The following RNF217 variants were observed in gnomAD, a reference collection of about 807,000 sequenced individuals.
RNF217 encodes the protein E3 ubiquitin-protein ligase RNF217.
Under a neutral mutation model 57.8 loss-of-function variants are expected in RNF217, and 31 were observed. The observed-to-expected ratio is 0.54, with a 90% CI of 0.40 to 0.72. The LOEUF (loss-of-function observed/expected upper bound fraction) is 0.72, where lower values mean the gene tolerates loss of function less well. RNF217 is among the 30% of genes least tolerant of loss of function. The pLI is 0.00. For synonymous variants in RNF217, 313 were observed against 294.0 expected (o/e 1.06, Z -0.66); for missense variants, 696 against 708.3 (o/e 0.98, Z 0.20).
intron 1 of RNF217, among the ~76,000 whole-genome samples, chr6:124,973,018 G>C (rs1370256591): frequency 6.6e-6 from 1 of 152,162 alleles, no homozygotes; most frequent in Non-Finnish European, 1.5e-5. Context: ...TATAAGTAGA[G>C]TGGATGTTTA....
At chr6:125,032,481 T>G (rs957057617) in intron 1 of RNF217, among the ~76,000 whole-genome samples, 6 of 151,774 alleles carry the variant, frequency 4.0e-5, no homozygotes, top group Admixed American at 6.6e-5. Context: ...ATATATATAT[T>G]TCTTATCTCC....
chr6:125,038,858 C>T (rs1024355664), intron 1 of RNF217, among the ~76,000 whole-genome samples: 3 of 152,030 alleles, frequency 2.0e-5, no homozygotes, highest in African/African-American at 7.2e-5. Context: ...TTCTGTGATA[C>T]ATATGCAGGA....
rs1041025759 is a variant in RNF217, at chr6:124,963,194, C to T, written c.650C>T (p.Ser217Phe). Residue 217 changes from serine (S) to phenylalanine (F), a missense_variant, in exon 1 of 6, where the codon TCC (serine) becomes TTC (phenylalanine). Coordinates refer to ENST00000521654, the MANE Select transcript of RNF217 (RefSeq NM_001286398.3). Reference sequence around the variant, plus strand: ...CTGTCCCTCCCAACGGATTCCCTCTCCCCCGACGGCGGCAGCATCGAGCTG... The same window carrying T: ...CTGTCCCTCCCAACGGATTCCCTCTTCCCCGACGGCGGCAGCATCGAGCTG... ...PRLSLPTDSLSPDGGSIELEF... is the reference protein window; with the variant it reads ...PRLSLPTDSLFPDGGSIELEF... The T allele has an allele frequency of 2.6e-6, 4 of 1,535,960 alleles. No homozygotes were observed. Among genetic ancestry groups the T allele is most frequent in the Non-Finnish European group, 3.5e-6 (4 of 1,146,904 alleles).
intron 3 of RNF217, among the ~76,000 whole-genome samples, chr6:125,067,977 G>A (rs1787998283): frequency 6.6e-6 from 1 of 152,130 alleles, no homozygotes; most frequent in Non-Finnish European, 1.5e-5. Flanking sequence ...GGTACTGAGC[G>A]ACTGATTAAG....
chr6:124,963,080 C>G lies in RNF217; in HGVS notation c.536C>G (p.Ser179Trp), dbSNP rs1222596005. 6.4e-7 allele frequency: 1 copy of G among 1,553,616 alleles called. No homozygotes were observed. The highest frequency in any genetic ancestry group is 8.6e-7 in the Non-Finnish European group (1 of 1,157,458). The change falls in exon 1 of 6, where the codon TCG becomes TGG. Residue 179 changes from serine to tryptophan, a missense_variant. Physicochemically the swap from Ser to Trp is radical, Grantham distance 177. Around this residue, in one of 2 missense-constraint regions of RNF217, gnomAD observed 465 missense variants for 386.8 expected, o/e 1.20. Coordinates refer to ENST00000521654, the MANE Select transcript of RNF217 (RefSeq NM_001286398.3). Reference protein sequence around the residue: ...VESDLPEAPASEQLSPPASPP... With the variant: ...VESDLPEAPAWEQLSPPASPP... The stretch of plus-strand genomic sequence containing the variant: ...AGCGACCTGCCCGAGGCCCCCGCCT[C>G]GGAGCAGCTCTCGCCGCCCGCGTCG...
intron 1 of RNF217, among the ~76,000 whole-genome samples, chr6:124,975,696 C>T (rs1245371680): frequency 6.6e-6 from 1 of 151,920 alleles, no homozygotes; most frequent in Admixed American, 6.6e-5. Context: ...CTGGGCCTCC[C>T]GAAGTGCTGG....
chr6:124,999,515 T>A (rs1784889757), intron 1 of RNF217, among the ~76,000 whole-genome samples: 1 of 152,128 alleles, frequency 6.6e-6, no homozygotes, highest in African/African-American at 2.4e-5. Context: ...TTTAGTGTGA[T>A]CTTGTAGAAA....
At position 125,086,954 on chromosome 6, in the gene RNF217, C is replaced by T. The variant is rs1327262076; in HGVS notation, c.*4017C>T. The stretch of plus-strand genomic sequence containing the variant: ...ATGACCAACTGTTCTCCTAAAATAC[C>T]TATGAACCACTGTAATCATTTCCAG... On this transcript the variant is annotated 3_prime_UTR_variant, in exon 6 of 6. Transcript: ENST00000521654. The T allele has an allele frequency of 6.6e-6, 1 of 152,090 alleles. No homozygotes were observed. The highest frequency in any genetic ancestry group is 1.5e-5 in the Non-Finnish European group (1 of 67,996). The allele number at this position is 152,090 out of a possible 1,614,324, so 9.4% of individuals were successfully genotyped here.
rs1360011076 is a variant in RNF217 at position 124,963,251 on chromosome 6, T to C, written c.707T>C (p.Met236Thr). The change falls in exon 1 of 6, where the codon ATG (methionine) becomes ACG (threonine). Residue 236 changes from methionine (M) to threonine (T), a missense_variant. This residue lies in a region of RNF217 where 465 missense variants were observed against 386.8 expected (regional missense o/e 1.20). Coordinates refer to ENST00000521654, the MANE Select transcript of RNF217 (RefSeq NM_001286398.3). The stretch of plus-strand genomic sequence containing the variant: ...TACCTGGCGCCCGAGCCGTTCTCCA[T>C]GCCCAGCCTGTTGGGAGCTCCACCC... ...EFYLAPEPFS[M>T]PSLLGAPPYS... is the part of the protein sequence containing the mutation. 2.6e-6 allele frequency: 4 copies of C among 1,536,074 alleles called. No individual in the cohort carries two copies. In the East Asian group the frequency reaches 9.8e-5, roughly 38 times the overall value.
intron 1 of RNF217, among the ~76,000 whole-genome samples, chr6:124,974,516 G>A (rs1215315224): frequency 1.3e-5 from 2 of 152,010 alleles, no homozygotes; most frequent in African/African-American, 4.8e-5. Flanking sequence ...ATTGAAATAC[G>A]TCAAGGTGTC....
At chr6:125,060,941 T>A (rs1787708432) in intron 3 of RNF217, among the ~76,000 whole-genome samples, 1 of 152,202 alleles carries the variant, frequency 6.6e-6, no homozygotes, top group Non-Finnish European at 1.5e-5. Flanking sequence ...TCAAATAATT[T>A]AATATCATTA....
chr6:125,014,442 C>T lies in RNF217; in HGVS notation c.883-30769C>T, dbSNP rs567277946. On this transcript the variant is annotated intron_variant, in intron 1 of 5. Coordinates refer to ENST00000521654, the MANE Select transcript of RNF217 (RefSeq NM_001286398.3). The stretch of plus-strand genomic sequence containing the variant: ...AAATTATAATTGATATCAAGCTCTG[C>T]TTTCCTCTTATTTAATGTTATCATT... Among the ~76,000 whole-genome samples, 656 of 152,266 alleles carry T rather than the reference C, an allele frequency of 4.3e-3. 2 individuals carry two copies. The highest frequency in any genetic ancestry group is 7.6e-3 in the Non-Finnish European group (516 of 68,010).
chr6:125,020,799 CAAAT>C (rs1176373149), intron 1 of RNF217, among the ~76,000 whole-genome samples: 8 of 152,064 alleles, frequency 5.3e-5, no homozygotes, highest in Non-Finnish European at 1.2e-4. Flanking sequence ...GGGAAAACAA[CAAAT>C]AAATACTCTA....
intron 3 of RNF217, among the ~76,000 whole-genome samples, chr6:125,076,226 T>C (rs1184720714): frequency 2.0e-5 from 3 of 152,208 alleles, no homozygotes; most frequent in Non-Finnish European, 2.9e-5. Context: ...TCACAAAAAC[T>C]TTTATGTAAT....
intron 1 of RNF217, among the ~76,000 whole-genome samples, chr6:125,016,870 G>A (rs1055346549): frequency 2.0e-5 from 3 of 152,036 alleles, no homozygotes; most frequent in African/African-American, 4.8e-5. Context: ...GCCATGGCAC[G>A]CGTATACCTA....
Position 125,086,534 on chromosome 6 carries a change from T to C in RNF217, c.*3597T>C, listed in dbSNP as rs1180371705. On this transcript the variant is annotated 3_prime_UTR_variant, in exon 6 of 6. Coordinates refer to ENST00000521654, the MANE Select transcript of RNF217 (RefSeq NM_001286398.3). ...ATTGTGAAAAGTAGGAAAGAATATGTTGGCAATTATAAATGCCCACAGCAA... is the reference window on the plus strand; with the variant it reads ...ATTGTGAAAAGTAGGAAAGAATATGCTGGCAATTATAAATGCCCACAGCAA... The C allele has an allele frequency of 6.6e-6, 1 of 152,086 alleles. No homozygotes were observed. The highest frequency in any genetic ancestry group is 1.5e-5 in the Non-Finnish European group (1 of 67,990). The allele number at this position is 152,086 out of a possible 1,614,324, so 9.4% of individuals were successfully genotyped here.
chr6:125,049,240 T>G (rs934596496), intron 2 of RNF217, among the ~76,000 whole-genome samples: 3 of 152,052 alleles, frequency 2.0e-5, no homozygotes, highest in African/African-American at 4.8e-5. Context: ...GATAGACACA[T>G]CACCCACACC....
At chr6:124,970,062 G>A (rs1783704610) in intron 1 of RNF217, among the ~76,000 whole-genome samples, 1 of 152,164 alleles carries the variant, frequency 6.6e-6, no homozygotes, top group African/African-American at 2.4e-5. Flanking sequence ...AATGAAGTGG[G>A]TAGTGCTAAA....
chr6:125,027,048 A>G (rs910577963), intron 1 of RNF217, among the ~76,000 whole-genome samples: 25 of 152,096 alleles, frequency 1.6e-4, no homozygotes, highest in Admixed American at 5.9e-4. Flanking sequence ...AGGTGTATAT[A>G]TTTATGGAAT....
Sources: allele counts gnomAD v4.1 joint callset (sites outside exome capture counted in the v4.1 genomes callset), GRCh38; gene constraint gnomAD v4.1.1; regional missense constraint gnomAD v4.1.1; transcripts MANE v1.5; gene names NCBI Gene and HGNC (gene_info 2026-07-23, HGNC 2026-07-21).